The following THEMIS variants were observed in gnomAD, a reference collection of about 807,000 sequenced individuals.
The protein encoded by THEMIS is thymocyte selection associated.
Under a neutral mutation model 52.6 loss-of-function variants are expected in THEMIS, and 37 were observed. The observed-to-expected ratio is 0.70, with a 90% CI of 0.54 to 0.93. The LOEUF (loss-of-function observed/expected upper bound fraction) is 0.93. Ranked by LOEUF, THEMIS falls within the 40% of genes least tolerant of loss-of-function variation. The pLI is 0.00. For missense variants in THEMIS, 808 were observed against 763.1 expected (o/e 1.06, Z -0.69); for synonymous variants, 292 against 272.7 (o/e 1.07, Z -0.70).
chr6:127,841,279 T>C (rs1312338631), intron 2 of THEMIS, among the ~76,000 whole-genome samples: 1 of 152,008 alleles, frequency 6.6e-6, no homozygotes, highest in Non-Finnish European at 1.5e-5. Flanking sequence ...TAACTGTGTA[T>C]AATTATAGAA....
In THEMIS at chr6:127,813,911, T is replaced by G; in HGVS notation, c.730A>C (p.Ile244Leu). 6.4e-7 allele frequency: 1 copy of G among 1,572,218 alleles called. No homozygotes were observed. The highest frequency in any genetic ancestry group is 2.2e-5 in the East Asian group (1 of 44,632). Residue 244 changes from isoleucine (I) to leucine (L), a missense_variant, in exon 4 of 6, where the codon ATC (isoleucine) becomes CTC (leucine). Transcript: ENST00000368248. The part of the protein sequence containing the change: ...VMKFRKDIIR[I>L]LPSLDVEVKD... ...ACTTCGACATCTAGACTGGGGAGGATGCGGATTATATCTTTTCGAACTAAA... is the reference window on the plus strand; with the variant it reads ...ACTTCGACATCTAGACTGGGGAGGAGGCGGATTATATCTTTTCGAACTAAA...
At chr6:127,769,342 G>GTTTTTTTTTTTTTTTT (rs201005568) in intron 4 of THEMIS, among the ~76,000 whole-genome samples, 2 of 142,786 alleles carry the variant, frequency 1.4e-5, no homozygotes, top group African/African-American at 5.2e-5. Flanking sequence ...AAATAGACCA[G>GTTTTTTTTTTTTTTTT]TTTTTTTTTG....
At chr6:127,863,099 T>C (rs916248537) in intron 1 of THEMIS, among the ~76,000 whole-genome samples, 1 of 152,200 alleles carries the variant, frequency 6.6e-6, no homozygotes, top group Non-Finnish European at 1.5e-5. Flanking sequence ...CAATCATTTA[T>C]TCCAGGTCAG....
At chr6:127,744,701 T>G (rs1041694282) in intron 4 of THEMIS, among the ~76,000 whole-genome samples, 2 of 152,010 alleles carry the variant, frequency 1.3e-5, no homozygotes, top group African/African-American at 4.8e-5. Context: ...TCTTGTTCAA[T>G]GAATATAAAG....
At chr6:127,897,407 C>A (rs1358748830) in intron 1 of THEMIS, among the ~76,000 whole-genome samples, 2 of 150,758 alleles carry the variant, frequency 1.3e-5, no homozygotes, top group Admixed American at 1.3e-4. Context: ...AGTAAATATC[C>A]CAAATATATA....
intron 4 of THEMIS, among the ~76,000 whole-genome samples, chr6:127,786,738 T>A (rs972502159): frequency 2.6e-5 from 4 of 152,210 alleles, no homozygotes; most frequent in African/African-American, 9.6e-5. Context: ...CAATGACCAC[T>A]AGCAAAATTT....
intron 1 of THEMIS, among the ~76,000 whole-genome samples, chr6:127,855,667 C>T (rs1779595782): frequency 6.6e-6 from 1 of 151,902 alleles, no homozygotes; most frequent in African/African-American, 2.4e-5. Flanking sequence ...TGGTTCTCTT[C>T]ATTAGCATGA....
upstream of THEMIS, among the ~76,000 whole-genome samples, chr6:127,902,679 T>A (rs933206776): frequency 1.3e-5 from 2 of 152,096 alleles, no homozygotes; most frequent in Admixed American, 6.6e-5. Flanking sequence ...AGGTTTACTA[T>A]CATTAGATTC....
chr6:127,784,778 G>A (rs1776865758), intron 4 of THEMIS, among the ~76,000 whole-genome samples: 1 of 152,110 alleles, frequency 6.6e-6, no homozygotes, highest in Admixed American at 6.6e-5. Context: ...TTCTGAAAGA[G>A]CTCAACCCCT....
At chr6:127,773,791 T>A (rs1776465301) in intron 4 of THEMIS, among the ~76,000 whole-genome samples, 1 of 152,186 alleles carries the variant, frequency 6.6e-6, no homozygotes, top group South Asian at 2.1e-4. Context: ...TTAGTTAAAA[T>A]TCAAAGTAAG....
chr6:127,825,618 A>C lies in THEMIS; in HGVS notation c.709+3858T>G, dbSNP rs1241282693. On this transcript the variant is annotated intron_variant, in intron 3 of 5. Coordinates refer to ENST00000368248, the MANE Select transcript of THEMIS (RefSeq NM_001010923.3). Reference sequence around the variant, plus strand: ...TCAGAAATAGCTAGTCAACACAGACACAAGTCAACAGGGAATCACCAGGAT... The same window carrying C: ...TCAGAAATAGCTAGTCAACACAGACCCAAGTCAACAGGGAATCACCAGGAT... Among the ~76,000 whole-genome samples, 3 of 152,236 alleles carry C rather than the reference A, an allele frequency of 2.0e-5. No individual in the cohort carries two copies. In the East Asian group the frequency reaches 5.8e-4, roughly 29 times the overall value.
chr6:127,762,676 A>G (rs1360181605), intron 4 of THEMIS, among the ~76,000 whole-genome samples: 1 of 152,034 alleles, frequency 6.6e-6, no homozygotes, highest in South Asian at 2.1e-4. Context: ...CACTCTAATT[A>G]ATTAAAATAA....
chr6:127,882,206 G>A (rs561637001), intron 1 of THEMIS, among the ~76,000 whole-genome samples: 26 of 151,762 alleles, frequency 1.7e-4, no homozygotes, highest in South Asian at 1.2e-3. Context: ...CAGCCATTCT[G>A]TTTTTCATTT....
chr6:127,842,964 T>C (rs572957722), intron 2 of THEMIS, among the ~76,000 whole-genome samples: 4 of 152,148 alleles, frequency 2.6e-5, no homozygotes, highest in South Asian at 4.1e-4. Context: ...ATCACCCTAG[T>C]AGCTTCCTGG....
intron 1 of THEMIS, among the ~76,000 whole-genome samples, chr6:127,859,384 C>T (rs561765933): frequency 8.5e-5 from 13 of 152,222 alleles, no homozygotes; most frequent in Non-Finnish European, 1.8e-4. Flanking sequence ...ATTATTATCA[C>T]TCTTTCAATT....
At chr6:127,698,313 A>G in the THEMIS span, among the ~76,000 whole-genome samples, 2 of 152,114 alleles carry the variant, frequency 1.3e-5, no homozygotes, top group African/African-American at 4.8e-5. Flanking sequence ...CTGACTCACC[A>G]GAATTTTATA....
chr6:127,857,887 T>C (rs1233410902), intron 1 of THEMIS, among the ~76,000 whole-genome samples: 1 of 152,064 alleles, frequency 6.6e-6, no homozygotes, highest in Non-Finnish European at 1.5e-5. Flanking sequence ...CTGGGCATCA[T>C]TGAGTTAGAG....
In THEMIS at chr6:127,738,209, T is replaced by A. The variant is rs139498144; in HGVS notation, c.1759-18386A>T. Reference sequence around the variant, plus strand: ...CATAATATAAAGCAAGAATTCAGTATAAATTTAAGTAAAAAAATACTCATT... The same window carrying A: ...CATAATATAAAGCAAGAATTCAGTAAAAATTTAAGTAAAAAAATACTCATT... On this transcript the variant is annotated intron_variant, in intron 4 of 5. Transcript: ENST00000368248. Among the ~76,000 whole-genome samples the A allele has an allele frequency of 7.4e-3, 1,131 of 152,242 alleles. 17 individuals carry two copies. The highest frequency in any genetic ancestry group is 0.025 in the African/African-American group (1,031 of 41,544).
Position 127,812,933 on chromosome 6 carries a change from G to A in THEMIS, c.1708C>T (p.Leu570=). 1 of 1,613,940 alleles carries A rather than the reference G, an allele frequency of 6.2e-7. No homozygotes were observed. The highest frequency in any genetic ancestry group is 1.1e-5 in the South Asian group (1 of 91,032). The change falls in exon 4 of 6, where the codon CTG becomes TTG. Residue 570 remains leucine (L), a synonymous_variant. Coordinates refer to ENST00000368248, the MANE Select transcript of THEMIS (RefSeq NM_001010923.3). ...HPSVEETKLT[L]LTLAEERTVD... ...GTCCTTTCTTCTGCTAAGGTTAGCA[G>A]GGTTAACTTTGTTTCCTCTACTGAG...
Sources: allele counts gnomAD v4.1 joint callset (sites outside exome capture counted in the v4.1 genomes callset), GRCh38; gene constraint gnomAD v4.1.1; transcripts MANE v1.5; gene names NCBI Gene and HGNC (gene_info 2026-07-23, HGNC 2026-07-21).